NRXN3: variants seen among roughly 807,000 people sequenced by gnomAD.
The protein encoded by NRXN3 is neurexin 3.
NRXN3 carries 32 observed loss-of-function variants against 137.6 expected under a neutral mutation model. The observed-to-expected ratio is 0.23, with a 90% CI of 0.18 to 0.31. The LOEUF (loss-of-function observed/expected upper bound fraction) is 0.31. NRXN3 is among the 10% of genes least tolerant of loss of function. The pLI, the probability that NRXN3 is intolerant of heterozygous loss-of-function variation, is 1.00. For synonymous variants in NRXN3, 798 were observed against 784.5 expected (o/e 1.02, Z -0.29); for missense variants, 1,574 against 2,062.5 (o/e 0.76, Z 4.59).
chr14:78,937,268 C>T (rs2099344021), intron 10 of NRXN3, among the ~76,000 whole-genome samples: 1 of 151,446 alleles, frequency 6.6e-6, no homozygotes, highest in Non-Finnish European at 1.5e-5. Flanking sequence ...TTAACATGTT[C>T]AGTCTACAAG....
In NRXN3 at chr14:78,657,340, G is replaced by A. The variant is rs77931421; in HGVS notation, c.1221+6014G>A. Among the ~76,000 whole-genome samples the A allele has an allele frequency of 6.2e-3, 945 of 152,206 alleles. 6 individuals carry two copies. The highest frequency in any genetic ancestry group is 0.037 in the East Asian group (192 of 5,164). ...CAAGCCCATCACAGTTTCCTCCCACGTGTTGGACCTTCTGTGTAGTTTGAT... is the reference window on the plus strand; with the variant it reads ...CAAGCCCATCACAGTTTCCTCCCACATGTTGGACCTTCTGTGTAGTTTGAT... On this transcript the variant is annotated intron_variant, in intron 6 of 20. Coordinates refer to ENST00000335750, the MANE Select transcript of NRXN3 (RefSeq NM_001330195.2).
chr14:79,307,146 A>G (rs1279709401), intron 15 of NRXN3, among the ~76,000 whole-genome samples: 1 of 152,010 alleles, frequency 6.6e-6, no homozygotes, highest in African/African-American at 2.4e-5. Context: ...GAATGATCTT[A>G]TTTCTTCCTC....
At chr14:78,718,132 C>T (rs959813048) in intron 8 of NRXN3, among the ~76,000 whole-genome samples, 5 of 152,278 alleles carry the variant, frequency 3.3e-5, no homozygotes, top group Admixed American at 2.0e-4. Context: ...CTCAGTTTGC[C>T]ATTCTCTCTC....
At chr14:78,571,752 C>T (rs118144214) in intron 4 of NRXN3, among the ~76,000 whole-genome samples, 256 of 152,244 alleles carry the variant, frequency 1.7e-3, no homozygotes, top group Non-Finnish European at 3.0e-3. Context: ...TTGAAATTCC[C>T]CAAGGACCAA....
At chr14:79,001,143 C>T (rs944747216) in intron 15 of NRXN3, among the ~76,000 whole-genome samples, 4 of 152,044 alleles carry the variant, frequency 2.6e-5, no homozygotes, top group African/African-American at 4.8e-5. Flanking sequence ...TTCTGCCGAC[C>T]GAGGGGAAGC....
chr14:78,912,068 C>A (rs573638722), intron 10 of NRXN3, among the ~76,000 whole-genome samples: 72 of 151,754 alleles, frequency 4.7e-4, no homozygotes, highest in African/African-American at 1.6e-3. Context: ...TATCCCTCCC[C>A]CTGCCCCCCA....
At chr14:79,337,427 C>T (rs1195929751) in intron 15 of NRXN3, among the ~76,000 whole-genome samples, 1 of 152,150 alleles carries the variant, frequency 6.6e-6, no homozygotes, top group African/African-American at 2.4e-5. Context: ...GGCAATCCCT[C>T]ACAGATGCAG....
At chr14:79,402,679 T>C (rs2095233783) in intron 15 of NRXN3, among the ~76,000 whole-genome samples, 1 of 152,302 alleles carries the variant, frequency 6.6e-6, no homozygotes, top group Admixed American at 6.5e-5. Flanking sequence ...CTTGCCACCA[T>C]TGAAGAATTA....
At chr14:78,667,850 A>G (rs2097901158) in intron 6 of NRXN3, among the ~76,000 whole-genome samples, 1 of 151,940 alleles carries the variant, frequency 6.6e-6, no homozygotes, top group Non-Finnish European at 1.5e-5. Context: ...ATGGTGTGAT[A>G]TCAGCTCACT....
intron 19 of NRXN3, among the ~76,000 whole-genome samples, chr14:79,716,116 C>T (rs1250787167): frequency 1.3e-5 from 2 of 152,156 alleles, no homozygotes; most frequent in African/African-American, 4.8e-5. Context: ...CAAAGCTGGA[C>T]TGCATCACAT....
At chr14:79,194,442 A>G (rs12434839) in intron 15 of NRXN3, among the ~76,000 whole-genome samples, 5,431 of 152,306 alleles carry the variant, frequency 0.036, 234 homozygotes, top group East Asian at 0.21. Flanking sequence ...CTGTCTGACC[A>G]GAAGAGCAAT....
intron 15 of NRXN3, among the ~76,000 whole-genome samples, chr14:79,426,383 T>C (rs1380256805): frequency 1.3e-5 from 2 of 152,124 alleles, no homozygotes; most frequent in African/African-American, 4.8e-5. Context: ...TTCACTCCCA[T>C]TGAAGCATTT....
chr14:79,782,878 C>A (rs545342446), intron 19 of NRXN3, among the ~76,000 whole-genome samples: 1 of 152,070 alleles, frequency 6.6e-6, no homozygotes. Flanking sequence ...CTACCTTGAC[C>A]CAGAGATACG....
intron 4 of NRXN3, among the ~76,000 whole-genome samples, chr14:78,370,978 C>T (rs1429854197): frequency 6.6e-6 from 1 of 152,080 alleles, no homozygotes; most frequent in Non-Finnish European, 1.5e-5. Context: ...CCTGATTTTC[C>T]AAGAGCTTAT....
At chr14:79,844,530 T>C (rs915278967) in intron 20 of NRXN3, among the ~76,000 whole-genome samples, 7 of 152,050 alleles carry the variant, frequency 4.6e-5, no homozygotes, top group African/African-American at 7.3e-5. Flanking sequence ...GAAAACAATG[T>C]TAGTCTCCTT....
chr14:78,400,533 C>T (rs912054287), intron 4 of NRXN3, among the ~76,000 whole-genome samples: 6 of 152,168 alleles, frequency 3.9e-5, no homozygotes, highest in African/African-American at 1.4e-4. Context: ...CGCAAAAATA[C>T]ATGGGCCTGA....
At chr14:79,803,735 T>C (rs2140557101) in intron 19 of NRXN3, among the ~76,000 whole-genome samples, 1 of 152,120 alleles carries the variant, frequency 6.6e-6, no homozygotes, top group African/African-American at 2.4e-5. Flanking sequence ...TTGACTAAGA[T>C]GTATTTATTC....
At chr14:78,350,794 T>A (rs1041528537) in intron 4 of NRXN3, among the ~76,000 whole-genome samples, 5 of 152,092 alleles carry the variant, frequency 3.3e-5, no homozygotes, top group Non-Finnish European at 7.4e-5. Context: ...TGTAGACATA[T>A]TTAGGGTGTG....
intron 1 of NRXN3, among the ~76,000 whole-genome samples, chr14:78,183,827 G>A (rs939535705): frequency 5.9e-5 from 9 of 152,164 alleles, no homozygotes; most frequent in East Asian, 1.9e-4. Flanking sequence ...ACATTTGAAA[G>A]CAATAGCTTG....
Sources: gnomAD v4.1 joint callset for allele counts (sites outside exome capture counted in the v4.1 genomes callset) on GRCh38, gnomAD v4.1.1 for gene constraint, MANE v1.5 for transcripts, NCBI Gene and HGNC (gene_info 2026-07-23, HGNC 2026-07-21) for gene names.